The following SV2C variants were observed in gnomAD, a reference collection of about 807,000 sequenced individuals.
SV2C encodes the protein synaptic vesicle glycoprotein 2C, also known as solute carrier family 22 member B3.
SV2C carries 49 observed loss-of-function variants against 79.7 expected under a neutral mutation model. The observed-to-expected ratio is 0.61, with a 90% CI of 0.49 to 0.78. SV2C has a LOEUF of 0.78. Among genes scored for constraint, SV2C ranks in the 30% least tolerant of loss-of-function variants. The pLI, the probability that SV2C is intolerant of heterozygous loss-of-function variation, is 0.00. For synonymous variants in SV2C, 334 were observed against 333.2 expected (o/e 1.00, Z -0.03); for missense variants, 833 against 912.9 (o/e 0.91, Z 1.13).
intron 1 of SV2C, among the ~76,000 whole-genome samples, chr5:76,106,813 T>C (rs1747933445): frequency 6.6e-6 from 1 of 152,190 alleles, no homozygotes; most frequent in Non-Finnish European, 1.5e-5. Context: ...CCTTACTCTT[T>C]TTTTTCATAG....
At chr5:76,030,285 T>TATTTATTTATTAATTTATTTA in the SV2C span, among the ~76,000 whole-genome samples, 1 of 109,960 alleles carries the variant, frequency 9.1e-6, no homozygotes, top group African/African-American at 5.4e-5. Context: ...TTTTTTTTTT[T>TATTTATTTATTAATTTATTTA]TTTTTTTATT....
chr5:76,277,769 A>AAAT (rs397967052), intron 4 of SV2C, among the ~76,000 whole-genome samples: 1 of 152,000 alleles, frequency 6.6e-6, no homozygotes, highest in Non-Finnish European at 1.5e-5. Context: ...AAAAAAAAAA[A>AAAT]CAGATTCCAA....
At chr5:76,027,344 G>C in the SV2C span, among the ~76,000 whole-genome samples, 1 of 151,916 alleles carries the variant, frequency 6.6e-6, no homozygotes, top group African/African-American at 2.4e-5. Context: ...TTACAGGTGT[G>C]AGCCACCAAG....
chr5:75,942,300 T>C, the SV2C span, among the ~76,000 whole-genome samples: 1 of 152,222 alleles, frequency 6.6e-6, no homozygotes, highest in Non-Finnish European at 1.5e-5. Context: ...CTGAGTTCTA[T>C]AAGCTCCTCT....
chr5:75,998,462 T>C, the SV2C span, among the ~76,000 whole-genome samples: 1 of 152,136 alleles, frequency 6.6e-6, no homozygotes, highest in African/African-American at 2.4e-5. Context: ...CAGTGGAAGG[T>C]ACCCATCCTC....
the SV2C span, among the ~76,000 whole-genome samples, chr5:76,006,446 T>C: frequency 6.6e-6 from 1 of 152,186 alleles, no homozygotes; most frequent in Non-Finnish European, 1.5e-5. Flanking sequence ...TCATAAGTCA[T>C]TTTGGAATTG....
At chr5:76,201,941 G>C (rs1464435613) in intron 3 of SV2C, among the ~76,000 whole-genome samples, 5 of 151,292 alleles carry the variant, frequency 3.3e-5, no homozygotes, top group African/African-American at 4.9e-5. Flanking sequence ...TGGCGAACCT[G>C]GGAGGCGGAG....
At chr5:75,857,209 G>A in the SV2C span, among the ~76,000 whole-genome samples, 2 of 151,862 alleles carry the variant, frequency 1.3e-5, no homozygotes, top group African/African-American at 2.4e-5. Flanking sequence ...CGCCTGCCTC[G>A]GCCTCCCAAA....
At chr5:75,938,719 T>C in the SV2C span, among the ~76,000 whole-genome samples, 22 of 152,212 alleles carry the variant, frequency 1.4e-4, no homozygotes, top group Non-Finnish European at 3.1e-4. Flanking sequence ...GTAACACGTA[T>C]ATTTTTAGTT....
intron 6 of SV2C, among the ~76,000 whole-genome samples, chr5:76,288,464 C>T (rs774191718): frequency 1.3e-5 from 2 of 152,068 alleles, no homozygotes; most frequent in Non-Finnish European, 2.9e-5. Flanking sequence ...AGTAGATATA[C>T]AATAGAGGGG....
intron 2 of SV2C, among the ~76,000 whole-genome samples, chr5:76,192,849 TA>T (rs1744147294): frequency 6.6e-6 from 1 of 152,216 alleles, no homozygotes; most frequent in Non-Finnish European, 1.5e-5. Context: ...AGAGTGCAAG[TA>T]AAGATACAGT....
the SV2C span, among the ~76,000 whole-genome samples, chr5:76,027,618 C>G: frequency 6.6e-6 from 1 of 152,218 alleles, no homozygotes; most frequent in South Asian, 2.1e-4. Context: ...TTTGAATATA[C>G]AGAATACAAT....
chr5:76,276,158 A>G (rs1010717767), intron 4 of SV2C, among the ~76,000 whole-genome samples: 1 of 152,242 alleles, frequency 6.6e-6, no homozygotes, highest in Non-Finnish European at 1.5e-5. Context: ...GCCACTTAAA[A>G]TGGAGCTCAA....
the SV2C span, among the ~76,000 whole-genome samples, chr5:75,940,735 G>A: frequency 0.59 from 89,417 of 152,056 alleles, 27,644 homozygotes; most frequent in African/African-American, 0.79. Flanking sequence ...TTACAACACT[G>A]TTTCATGATG....
upstream of SV2C, chr5:76,079,009 G>A (rs1746933239): frequency 2.3e-6 from 1 of 436,412 alleles, no homozygotes; most frequent in African/African-American, 2.1e-5. Context: ...ATTACCACCT[G>A]TAGTTTGAAG....
chr5:76,231,234 AT>A (rs1332722265), intron 4 of SV2C, among the ~76,000 whole-genome samples: 2 of 152,158 alleles, frequency 1.3e-5, no homozygotes, highest in Non-Finnish European at 2.9e-5. Flanking sequence ...TCCTACTGAA[AT>A]TTTTTACCTT....
the SV2C span, among the ~76,000 whole-genome samples, chr5:75,991,091 G>T: frequency 3.3e-5 from 5 of 151,882 alleles, no homozygotes; most frequent in Admixed American, 3.3e-4. Flanking sequence ...GTGACAATTT[G>T]CAGTCTTACC....
rs571378090 is a variant in SV2C, at chr5:76,339,442, T to C, written c.2001-13688T>C. On this transcript the variant is annotated intron_variant, in intron 12 of 12. Coordinates refer to the SV2C transcript ENST00000322285. Reference sequence around the variant, plus strand: ...TTAAGATTTCTCATTTCAATGGGCATGGTGGCTCACGCCTATAATCCCAGC... The same window carrying C: ...TTAAGATTTCTCATTTCAATGGGCACGGTGGCTCACGCCTATAATCCCAGC... Among the ~76,000 whole-genome samples the C allele has an allele frequency of 5.5e-4, 83 of 152,130 alleles. 1 individual carries two copies. The highest frequency in any genetic ancestry group is 3.5e-3 in the South Asian group (17 of 4,824).
At chr5:76,004,179 C>A in the SV2C span, among the ~76,000 whole-genome samples, 1 of 152,192 alleles carries the variant, frequency 6.6e-6, no homozygotes, top group African/African-American at 2.4e-5. Flanking sequence ...AGGTGGTCAG[C>A]AAAACCTCCA....
Sources: gnomAD v4.1 joint callset for allele counts (sites outside exome capture counted in the v4.1 genomes callset) on GRCh38, gnomAD v4.1.1 for gene constraint, MANE v1.5 for transcripts, NCBI Gene and HGNC (gene_info 2026-07-23, HGNC 2026-07-21) for gene names.